Variants in PCSK7 observed in about 807,000 individuals in gnomAD.
PCSK7 encodes lymphoma proprotein convertase.
A neutral mutation model predicts 73.3 loss-of-function variants in PCSK7; 38 were observed. The observed-to-expected ratio is 0.52, with a 90% CI of 0.40 to 0.68. The LOEUF (loss-of-function observed/expected upper bound fraction) is 0.68, where lower values mean the gene tolerates loss of function less well. PCSK7 is among the 30% of genes least tolerant of loss of function. The pLI, the probability that PCSK7 is intolerant of heterozygous loss-of-function variation, is 0.00. For synonymous variants in PCSK7, 296 were observed against 383.8 expected (o/e 0.77, Z 2.68); for missense variants, 692 against 991.5 (o/e 0.70, Z 4.06).
In PCSK7 at chr11:117,205,987, G is replaced by C. The variant is rs1351386472; in HGVS notation, c.*10C>G. On this transcript the variant is annotated 3_prime_UTR_variant, in exon 17 of 17. Coordinates refer to ENST00000320934, the MANE Select transcript of PCSK7 (RefSeq NM_004716.4). ...AAGAAGAGCCTGTCCCACACTGTCA[G>C]GCCCTGAGGTCAGCAGATCTGCTCC... 9.6e-7 allele frequency: 1 copy of C among 1,043,450 alleles called. No individual in the cohort carries two copies. Among genetic ancestry groups the C allele is most frequent in the African/African-American group, 1.7e-5 (1 of 59,238 alleles). 64.6% of individuals were successfully genotyped at this position (1,043,450 alleles called of 1,614,324 possible). A position where few individuals can be genotyped will look rare whatever the true frequency, so the allele number is the denominator to read the frequency against.
rs2032064431 is a variant in PCSK7 at position 117,218,287 on chromosome 11, G to GGGGAGCCA, written c.1534+171_1534+178dup. ...GAGAAAGGTCTTGTTTAAGCAGCTGGGGGAGCCAACTCAGAAGCAGTAACA... is the reference window on the plus strand; with the variant it reads ...GAGAAAGGTCTTGTTTAAGCAGCTGGGGGAGCCAGGGAGCCAACTCAGAAGCAGTAACA... On this transcript the variant is annotated intron_variant, in intron 12 of 16. Transcript: ENST00000320934. The surrounding 1 kb of genome is among the most constrained non-coding windows in gnomAD (Gnocchi z 4.0). 3 of 364,890 alleles carry GGGGAGCCA rather than the reference G, an allele frequency of 8.2e-6. No individual in the cohort carries two copies. The highest frequency in any genetic ancestry group is 6.4e-5 in the African/African-American group (3 of 46,548). 22.6% of individuals were successfully genotyped at this position (364,890 alleles called of 1,614,324 possible).
Position 117,225,708 on chromosome 11 carries a change from C to T in PCSK7, c.860+223G>A, listed in dbSNP as rs533668733. 1.0e-5 allele frequency: 6 copies of T among 595,032 alleles called. No individual in the cohort carries two copies. The African/African-American group carries it at 1.1e-4, about 11-fold the overall frequency. The allele number at this position is 595,032 out of a possible 1,614,324, so 36.9% of individuals were successfully genotyped here. A position where few individuals can be genotyped will look rare whatever the true frequency, so the allele number is the denominator to read the frequency against. On this transcript the variant is annotated intron_variant, in intron 6 of 16. Transcript: ENST00000320934. ...TAGAAAACAAATAAATGTGCACAGG[C>T]CAGGGCTTCTCATGTGGCAATCTGA...
intron 12 of PCSK7, chr11:117,215,065 C>T (rs1411326111): frequency 6.6e-6 from 1 of 152,194 alleles, no homozygotes; most frequent in Non-Finnish European, 1.5e-5. Context: ...AACCTCCTGT[C>T]AGCGGGGAGA....
chr11:117,223,130 G>T, intron 9 of PCSK7, 78 bp downstream of exon 9: 3 of 879,314 alleles, frequency 3.4e-6, no homozygotes, highest in South Asian at 1.3e-5. Flanking sequence ...GCAGGGAACA[G>T]TGAGAAGCGC....
chr11:117,223,538 G>A lies in PCSK7; in HGVS notation c.1055-230C>T, dbSNP rs2032289947. 7.2e-6 allele frequency: 4 copies of A among 555,422 alleles called. No individual in the cohort carries two copies. In the East Asian group the frequency reaches 1.2e-4, roughly 16 times the overall value. 34.4% of individuals were successfully genotyped at this position (555,422 alleles called of 1,614,324 possible). ...ATACCATTCTTTCAGTAGGCTCTGG[G>A]GTACAACTGGCAGCCTTCTACCTTC... On this transcript the variant is annotated intron_variant, in intron 8 of 16. Coordinates refer to ENST00000320934, the MANE Select transcript of PCSK7 (RefSeq NM_004716.4).
In PCSK7 at chr11:117,204,687, C is replaced by T. The variant is rs912035840; in HGVS notation, c.*1310G>A. On this transcript the variant is annotated 3_prime_UTR_variant, in exon 17 of 17. Transcript: ENST00000320934. ...CCAAGTCCACTGTCCTCCTTGGCGGCAAAAGCCCATTGAAGAAGAACCAGC... is the reference window on the plus strand; with the variant it reads ...CCAAGTCCACTGTCCTCCTTGGCGGTAAAAGCCCATTGAAGAAGAACCAGC... 3 of 391,430 alleles carry T rather than the reference C, an allele frequency of 7.7e-6. No individual in the cohort carries two copies. The highest frequency in any genetic ancestry group is 9.7e-5 in the East Asian group (2 of 20,518). 24.2% of individuals were successfully genotyped at this position (391,430 alleles called of 1,614,324 possible). A position where few individuals can be genotyped will look rare whatever the true frequency, so the allele number is the denominator to read the frequency against.
rs148634347 is a variant in PCSK7 at position 117,206,127 on chromosome 11, G to A, written c.2228C>T (p.Thr743Ile). Residue 743 changes from threonine (T) to isoleucine (I), a missense_variant, in exon 17 of 17, where the codon ACC becomes ATC. By Grantham distance (89) the Thr-to-Ile change is moderately conservative. This residue lies in a region of PCSK7 where 78 missense variants were observed against 102.6 expected (regional missense o/e 0.76). Coordinates refer to ENST00000320934, the MANE Select transcript of PCSK7 (RefSeq NM_004716.4). ...EVETESRGPP[T>I]TSDLLAPDLL... ...GTCTGGGGCAAGGAGGTCAGAGGTG[G>A]TGGGAGGGCCCCTGCTCTCTGTTTC... 3 of 1,602,154 alleles carry A rather than the reference G, an allele frequency of 1.9e-6. No individual in the cohort carries two copies. The highest frequency in any genetic ancestry group is 1.7e-5 in the Admixed American group (1 of 59,248).
intron 6 of PCSK7, chr11:117,224,986 A>G (rs2032358652): frequency 1.9e-6 from 1 of 517,006 alleles, no homozygotes; most frequent in Non-Finnish European, 3.5e-6. Flanking sequence ...GAATGTCCCC[A>G]TAGCCCATAG....
chr11:117,217,453 T>C (rs2032031586), intron 12 of PCSK7: 2 of 152,226 alleles, frequency 1.3e-5, no homozygotes, highest in African/African-American at 4.8e-5. Context: ...CAAGATAACA[T>C]TCCTTTTATG....
chr11:117,226,120 A>C, intron 5 of PCSK7, 99 bp from the exon 6 acceptor site: 1 of 736,492 alleles, frequency 1.4e-6, no homozygotes. Flanking sequence ...ATTTTTCCCT[A>C]CATGCTCTTT....
chr11:117,216,532 C>G (rs182195960), intron 12 of PCSK7: 1 of 150,940 alleles, frequency 6.6e-6, no homozygotes, highest in South Asian at 2.1e-4. Flanking sequence ...CTCTGCCTCC[C>G]GGGTTCTCCT....
At chr11:117,212,002 T>C (rs1403611126) in intron 12 of PCSK7, 1 of 152,240 alleles carries the variant, frequency 6.6e-6, no homozygotes. Flanking sequence ...TTTTCCTGTA[T>C]TGTCAAAATT....
intron 6 of PCSK7, 127 bp from the exon 7 acceptor site, chr11:117,224,882 A>G: frequency 2.7e-6 from 2 of 735,912 alleles, no homozygotes; most frequent in Non-Finnish European, 5.0e-6. Context: ...GGTTCCACTT[A>G]AAGGCTTCCG....
chr11:117,219,642 G>A lies in PCSK7; in HGVS notation c.1272C>T (p.Pro424=), dbSNP rs1293705669. Residue 424 remains proline (P), a synonymous_variant, in exon 10 of 17, where the codon CCC becomes CCT. Transcript: ENST00000320934. ...GMIALMLQVR[P]CLTWRDVQHI... is the part of the protein sequence containing the mutation. ...GCTGGACGTCACGCCACGTGAGGCA[G>A]GGCCGCACCTGCAGCATTAAGGCTA... 2.5e-6 allele frequency: 4 copies of A among 1,612,612 alleles called. No individual in the cohort carries two copies. In the East Asian group the frequency reaches 8.9e-5, roughly 36 times the overall value.
intron 2 of PCSK7, chr11:117,230,098 C>T: frequency 2.2e-6 from 1 of 460,180 alleles, no homozygotes; most frequent in Non-Finnish European, 3.9e-6. Flanking sequence ...GCAAGACAGC[C>T]AATCCTCACG....
chr11:117,205,578 A>ACCCCGAAGTCCTCTT lies in PCSK7; in HGVS notation c.*404_*418dup, dbSNP rs1421895538. Reference sequence around the variant, plus strand: ...TGTCCAGGGGCTCCTCCCAGCCTCTACCCCGAAGTCCTCTTCCCAAGTGAC... The same window carrying ACCCCGAAGTCCTCTT: ...TGTCCAGGGGCTCCTCCCAGCCTCTACCCCGAAGTCCTCTTCCCCGAAGTCCTCTTCCCAAGTGAC... On this transcript the variant is annotated 3_prime_UTR_variant, in exon 17 of 17. Coordinates refer to ENST00000320934, the MANE Select transcript of PCSK7 (RefSeq NM_004716.4). The ACCCCGAAGTCCTCTT allele has an allele frequency of 4.2e-6, 1 of 238,680 alleles. No individual in the cohort carries two copies. Among genetic ancestry groups the ACCCCGAAGTCCTCTT allele is most frequent in the African/African-American group, 2.2e-5 (1 of 45,508 alleles). 14.8% of individuals were successfully genotyped at this position (238,680 alleles called of 1,614,324 possible).
intron 3 of PCSK7, among the ~76,000 whole-genome samples, chr11:117,228,756 G>A (rs1473480349): frequency 6.6e-6 from 1 of 151,918 alleles, no homozygotes; most frequent in African/African-American, 2.4e-5. Context: ...GAGTAGCTGC[G>A]ACTACAGGCG....
intron 8 of PCSK7, 62 bp downstream of exon 8, chr11:117,224,016 C>T (rs891721545): frequency 1.4e-5 from 21 of 1,524,694 alleles, no homozygotes; most frequent in African/African-American, 1.4e-5. Flanking sequence ...TAGGACAAGA[C>T]GTGTGATGCC....
In PCSK7 at chr11:117,229,694, C is replaced by T. The variant is rs985084452; in HGVS notation, c.151G>A (p.Gly51Arg). The T allele has an allele frequency of 1.2e-6, 2 of 1,613,862 alleles. No homozygotes were observed. The highest frequency in any genetic ancestry group is 1.3e-5 in the African/African-American group (1 of 75,076). Residue 51 changes from glycine (G) to arginine (R), a missense_variant, in exon 3 of 17, where the codon GGG becomes AGG. Physicochemically the swap from Gly to Arg is moderately radical, Grantham distance 125. Around this residue, in one of 6 missense-constraint regions of PCSK7, gnomAD observed 574 missense variants for 689.8 expected, o/e 0.83. Transcript: ENST00000320934. ...TCCAGGTGCACAGCCCAGCTCGGCCCCCCTGTGCCCTGGCCATCAGGCCCA... is the reference window on the plus strand; with the variant it reads ...TCCAGGTGCACAGCCCAGCTCGGCCTCCCTGTGCCCTGGCCATCAGGCCCA... ...TGGPDGQGTG[G>R]PSWAVHLESL...
Sources: allele counts gnomAD v4.1 joint callset (sites outside exome capture counted in the v4.1 genomes callset), GRCh38; gene constraint gnomAD v4.1.1; regional missense constraint gnomAD v4.1.1; non-coding constraint Gnocchi (gnomAD v3.1); transcripts MANE v1.5; gene names NCBI Gene and HGNC (gene_info 2026-07-23, HGNC 2026-07-21).